LDAH: variants seen among roughly 807,000 people sequenced by gnomAD.
LDAH encodes the protein lipid droplet-associated hydrolase.
LDAH carries 26 observed loss-of-function variants against 29.6 expected under a neutral mutation model. The ratio of observed to expected loss-of-function variants is 0.88; its 90% CI spans 0.64 to 1.22. The LOEUF is 1.22. LDAH is among the 50% of genes most tolerant of loss of function. LDAH has a pLI of 0.00. For missense variants in LDAH, 344 were observed against 387.3 expected (o/e 0.89, Z 0.94); for synonymous variants, 117 against 133.0 (o/e 0.88, Z 0.83).
intron 4 of LDAH, among the ~76,000 whole-genome samples, chr2:20,745,998 G>A (rs1047662489): frequency 6.6e-6 from 1 of 152,062 alleles, no homozygotes; most frequent in Admixed American, 6.6e-5. Flanking sequence ...GTGGGGAGAG[G>A]GAAGAGCATG....
intron 1 of LDAH, among the ~76,000 whole-genome samples, chr2:20,820,339 G>A (rs1285675035): frequency 4.6e-5 from 7 of 152,200 alleles, no homozygotes; most frequent in African/African-American, 1.7e-4. Flanking sequence ...AAAGCTGGAG[G>A]CATCACGCTA....
chr2:20,746,504 TTATCAC>T (rs1202437359), intron 4 of LDAH, among the ~76,000 whole-genome samples: 1 of 152,130 alleles, frequency 6.6e-6, no homozygotes, highest in Non-Finnish European at 1.5e-5. Context: ...ACCAAAGACC[TTATCAC>T]AACTAATACT....
At position 20,763,836 on chromosome 2, in the gene LDAH, G is replaced by C. The variant is rs1227313520; in HGVS notation, c.468+10974C>G. 3.3e-5 allele frequency among the ~76,000 whole-genome samples: 5 copies of C among 152,148 alleles called. No homozygotes were observed. In the East Asian group the frequency reaches 9.6e-4, roughly 29 times the overall value. Reference sequence around the variant, plus strand: ...AGAAATTCTCAGATGAAATGCATTAGATAAAGTACTAAGTATTAACATGCA... The same window carrying C: ...AGAAATTCTCAGATGAAATGCATTACATAAAGTACTAAGTATTAACATGCA... On this transcript the variant is annotated intron_variant, in intron 4 of 6. Coordinates refer to ENST00000237822, the MANE Select transcript of LDAH (RefSeq NM_021925.4).
At chr2:20,682,995 C>T (rs147561977), downstream of LDAH, among the ~76,000 whole-genome samples, 4 of 152,366 alleles carry the variant, frequency 2.6e-5, no homozygotes, top group African/African-American at 9.6e-5. Flanking sequence ...CCAAGTTCTA[C>T]CTGCCCTTCT....
At chr2:20,724,662 A>G (rs1437706184) in intron 5 of LDAH, among the ~76,000 whole-genome samples, 1 of 152,250 alleles carries the variant, frequency 6.6e-6, no homozygotes, top group African/African-American at 2.4e-5. Flanking sequence ...CAAGTCTAAC[A>G]GCCCCTGTTG....
At chr2:20,691,385 C>A (rs545328982) in intron 6 of LDAH, among the ~76,000 whole-genome samples, 1 of 152,112 alleles carries the variant, frequency 6.6e-6, no homozygotes, top group African/African-American at 2.4e-5. Context: ...CTATGTTTCC[C>A]AGGCTGGTCT....
downstream of LDAH, among the ~76,000 whole-genome samples, chr2:20,682,930 G>C (rs147017553): frequency 4.2e-3 from 643 of 152,242 alleles, 5 homozygotes; most frequent in African/African-American, 0.015. Context: ...AAGGTGCTGG[G>C]GTGAGCAGCA....
intron 6 of LDAH, among the ~76,000 whole-genome samples, chr2:20,696,605 T>A (rs999830643): frequency 1.3e-5 from 2 of 152,172 alleles, no homozygotes; most frequent in Admixed American, 6.5e-5. Context: ...CAGTTTAGAA[T>A]TCCCCCCCTA....
intron 4 of LDAH, among the ~76,000 whole-genome samples, chr2:20,741,642 C>T (rs759424982): frequency 1.3e-5 from 2 of 152,210 alleles, no homozygotes; most frequent in African/African-American, 2.4e-5. Context: ...CCCACCACCC[C>T]AGACTCTAGT....
At chr2:20,807,186 A>C (rs1347331151) in intron 1 of LDAH, among the ~76,000 whole-genome samples, 2 of 152,096 alleles carry the variant, frequency 1.3e-5, no homozygotes, top group African/African-American at 4.8e-5. Context: ...ACAAACAAAC[A>C]AACAAAAAAA....
At chr2:20,696,215 A>G (rs1446450117) in intron 6 of LDAH, among the ~76,000 whole-genome samples, 2 of 152,216 alleles carry the variant, frequency 1.3e-5, no homozygotes, top group Admixed American at 6.5e-5. Context: ...CAGGCAGGAC[A>G]TGTGCATGTC....
intron 5 of LDAH, among the ~76,000 whole-genome samples, chr2:20,724,709 A>G (rs2149405412): frequency 6.6e-6 from 1 of 152,234 alleles, no homozygotes; most frequent in South Asian, 2.1e-4. Flanking sequence ...CACACTAGTT[A>G]TAAGAGCCAG....
intron 4 of LDAH, among the ~76,000 whole-genome samples, chr2:20,742,783 T>G (rs1466613123): frequency 6.9e-6 from 1 of 144,466 alleles, no homozygotes; most frequent in Non-Finnish European, 1.5e-5. Context: ...TTCTTTTTCT[T>G]TTCTTTTTCC....
At chr2:20,766,657 A>G (rs1669058815) in intron 4 of LDAH, among the ~76,000 whole-genome samples, 1 of 152,258 alleles carries the variant, frequency 6.6e-6, no homozygotes, top group African/African-American at 2.4e-5. Context: ...TTTGGGATCC[A>G]TTAATGGATT....
intron 2 of LDAH, among the ~76,000 whole-genome samples, chr2:20,793,898 C>A (rs893051636): frequency 6.6e-6 from 1 of 152,108 alleles, no homozygotes; most frequent in Non-Finnish European, 1.5e-5. Flanking sequence ...AAAATCCAGG[C>A]CCACACAGCT....
rs868723215 is a variant in LDAH at position 20,703,069 on chromosome 2, G to A, written c.704-1417C>T. Among the ~76,000 whole-genome samples, 4 of 152,202 alleles carry A rather than the reference G, an allele frequency of 2.6e-5. No homozygotes were observed. The South Asian group carries it at 6.2e-4, about 24-fold the overall frequency. On this transcript the variant is annotated intron_variant, in intron 5 of 6. Coordinates refer to ENST00000237822, the MANE Select transcript of LDAH (RefSeq NM_021925.4). Reference sequence around the variant, plus strand: ...TTGAACTCCTGACCTCAGAAGATCCGCCTGCCTTGGCCTCTCAAAGTGCTG... The same window carrying A: ...TTGAACTCCTGACCTCAGAAGATCCACCTGCCTTGGCCTCTCAAAGTGCTG...
intron 4 of LDAH, among the ~76,000 whole-genome samples, chr2:20,764,164 C>T (rs1668867774): frequency 7.1e-6 from 1 of 140,582 alleles, no homozygotes. Flanking sequence ...TTCTGGGTAA[C>T]TCAGAAAAGA....
At chr2:20,808,173 A>G (rs1292276751) in intron 1 of LDAH, among the ~76,000 whole-genome samples, 6 of 152,224 alleles carry the variant, frequency 3.9e-5, no homozygotes, top group Non-Finnish European at 8.8e-5. Context: ...GGTTTGCTGG[A>G]TATTACTGAG....
chr2:20,702,635 G>C (rs1664028454), intron 5 of LDAH, among the ~76,000 whole-genome samples: 1 of 152,116 alleles, frequency 6.6e-6, no homozygotes, highest in Non-Finnish European at 1.5e-5. Flanking sequence ...TTAACAATCT[G>C]AAAGTATAAA....
Sources: allele counts gnomAD v4.1 joint callset (sites outside exome capture counted in the v4.1 genomes callset), GRCh38; gene constraint gnomAD v4.1.1; transcripts MANE v1.5; gene names NCBI Gene and HGNC (gene_info 2026-07-23, HGNC 2026-07-21).